IPCEF1: variants seen among roughly 807,000 people sequenced by gnomAD.
IPCEF1 encodes interaction protein for cytohesin exchange factors 1.
Under a neutral mutation model 50.9 loss-of-function variants are expected in IPCEF1, and 31 were observed. The observed-to-expected ratio is 0.61, with a 90% CI of 0.46 to 0.82. IPCEF1 has a LOEUF of 0.82. Ranked by LOEUF, IPCEF1 falls within the 40% of genes least tolerant of loss-of-function variation. IPCEF1 has a pLI of 0.00. For missense variants in IPCEF1, 458 were observed against 514.0 expected (o/e 0.89, Z 1.05); for synonymous variants, 181 against 192.0 (o/e 0.94, Z 0.47).
chr6:154,274,789 G>A (rs1305122404), intron 2 of IPCEF1, among the ~76,000 whole-genome samples: 2 of 152,166 alleles, frequency 1.3e-5, no homozygotes, highest in African/African-American at 4.8e-5. Context: ...CCCAGCCCTG[G>A]CCCACATGCA....
intron 7 of IPCEF1, among the ~76,000 whole-genome samples, chr6:154,217,754 G>C (rs1778531007): frequency 6.6e-6 from 1 of 152,016 alleles, no homozygotes; most frequent in South Asian, 2.1e-4. Context: ...TTATACCTTA[G>C]TTCATAATTG....
intron 7 of IPCEF1, 45 bp downstream of exon 7, chr6:154,221,212 G>T: frequency 7.2e-7 from 1 of 1,387,424 alleles, no homozygotes; most frequent in Non-Finnish European, 1.0e-6. Context: ...CTAAAGTTAA[G>T]TATATTCCCA....
At chr6:154,335,460 G>A (rs1783768664) in intron 1 of IPCEF1, among the ~76,000 whole-genome samples, 1 of 152,172 alleles carries the variant, frequency 6.6e-6, no homozygotes, top group Non-Finnish European at 1.5e-5. Flanking sequence ...AACCTTCCAA[G>A]GAGAAGTTCC....
At chr6:154,183,353 CATA>C (rs1801066222) in intron 10 of IPCEF1, among the ~76,000 whole-genome samples, 2 of 152,204 alleles carry the variant, frequency 1.3e-5, no homozygotes, top group Non-Finnish European at 2.9e-5. Flanking sequence ...TATGTACTTG[CATA>C]ACATGACCTA....
In IPCEF1 at chr6:154,283,633, T is replaced by C. The variant is rs111812121; in HGVS notation, c.-18+6080A>G. Among the ~76,000 whole-genome samples, 645 of 152,308 alleles carry C rather than the reference T, an allele frequency of 4.2e-3. 10 individuals carry two copies. The highest frequency in any genetic ancestry group is 4.1e-3 in the Non-Finnish European group (280 of 68,028). On this transcript the variant is annotated intron_variant, in intron 2 of 11. Transcript: ENST00000367220. ...AAAATTAAATAAATTTTTAAAAAGA[T>C]GTACATTTGAATATGTCTTGTGAAA... is the stretch of plus-strand genomic sequence containing the variant.
chr6:154,268,016 T>C (rs1416739340), intron 2 of IPCEF1, among the ~76,000 whole-genome samples: 1 of 152,190 alleles, frequency 6.6e-6, no homozygotes, highest in African/African-American at 2.4e-5. Flanking sequence ...CCACTCCAGT[T>C]GGTGGGACTG....
intron 2 of IPCEF1, among the ~76,000 whole-genome samples, chr6:154,284,844 A>G (rs1468705308): frequency 1.3e-5 from 2 of 152,164 alleles, no homozygotes; most frequent in East Asian, 3.9e-4. Flanking sequence ...TACTAAAAAT[A>G]CAAAAATTAG....
In IPCEF1 at chr6:154,250,010, G is replaced by A. The variant is rs536096286; in HGVS notation, c.37-2522C>T. Among the ~76,000 whole-genome samples, 8 of 151,860 alleles carry A rather than the reference G, an allele frequency of 5.3e-5. No homozygotes were observed. In the South Asian group the frequency reaches 1.2e-3, roughly 24 times the overall value. The stretch of plus-strand genomic sequence containing the variant: ...ATTCTCTTAAAGCAAATTATTAACT[G>A]TTAAAACTGTTTTCCCTGACCAGAA... On this transcript the variant is annotated intron_variant, in intron 3 of 11. Transcript: ENST00000367220.
At chr6:154,273,134 C>T (rs1397168892) in intron 2 of IPCEF1, among the ~76,000 whole-genome samples, 4 of 152,194 alleles carry the variant, frequency 2.6e-5, no homozygotes, top group African/African-American at 7.2e-5. Context: ...CAGGTCTGAA[C>T]TAAAACGTTT....
chr6:154,198,615 C>G (rs549982137), intron 10 of IPCEF1, among the ~76,000 whole-genome samples: 1 of 138,776 alleles, frequency 7.2e-6, no homozygotes, highest in African/African-American at 2.7e-5. Flanking sequence ...AATTTACATA[C>G]TTTTAAAATA....
At chr6:154,195,242 G>A (rs922316604) in intron 10 of IPCEF1, among the ~76,000 whole-genome samples, 1 of 150,650 alleles carries the variant, frequency 6.6e-6, no homozygotes, top group Admixed American at 6.6e-5. Context: ...CCGCCTCCAG[G>A]GTTCACACCA....
At chr6:154,292,683 G>A (rs1346337194) in intron 1 of IPCEF1, among the ~76,000 whole-genome samples, 1 of 152,056 alleles carries the variant, frequency 6.6e-6, no homozygotes, top group East Asian at 1.9e-4. Context: ...TTATTTTGTT[G>A]TGTTAAACTA....
At chr6:154,270,155 A>G (rs1471076023) in intron 2 of IPCEF1, among the ~76,000 whole-genome samples, 1 of 152,240 alleles carries the variant, frequency 6.6e-6, no homozygotes, top group Non-Finnish European at 1.5e-5. Flanking sequence ...TTAAAAATAG[A>G]TAAGACCCTA....
intron 5 of IPCEF1, among the ~76,000 whole-genome samples, chr6:154,231,403 T>A (rs1018478960): frequency 6.6e-6 from 1 of 152,214 alleles, no homozygotes; most frequent in Admixed American, 6.5e-5. Context: ...CTGGGATCTG[T>A]CCTAACTATA....
intron 1 of IPCEF1, among the ~76,000 whole-genome samples, chr6:154,307,103 T>G (rs1336254015): frequency 6.6e-6 from 1 of 152,144 alleles, no homozygotes; most frequent in Non-Finnish European, 1.5e-5. Flanking sequence ...TAATTACTTT[T>G]CTAAAGGCCC....
chr6:154,339,621 G>A (rs1013355023), intron 1 of IPCEF1, among the ~76,000 whole-genome samples: 12 of 151,280 alleles, frequency 7.9e-5, no homozygotes, highest in African/African-American at 2.2e-4. Flanking sequence ...AGAGGTTCTC[G>A]CTCTGTTACC....
chr6:154,261,479 G>C (rs980745232), intron 3 of IPCEF1, among the ~76,000 whole-genome samples: 3 of 152,184 alleles, frequency 2.0e-5, no homozygotes, highest in African/African-American at 7.2e-5. Flanking sequence ...AAAAGCCCAG[G>C]GGAAGAGGGC....
intron 1 of IPCEF1, among the ~76,000 whole-genome samples, chr6:154,337,606 A>G (rs2128696271): frequency 6.6e-6 from 1 of 152,326 alleles, no homozygotes; most frequent in South Asian, 2.1e-4. Context: ...ATGAAAAAAG[A>G]GGCACAGCAA....
Position 154,227,181 on chromosome 6 carries a change from G to T in IPCEF1, c.247-3938C>A, listed in dbSNP as rs556617048. ...ACCGCACCACTGCACTCCAGCCTGG[G>T]CAACAGAGCAAGATTCTGTCTCAAA... On this transcript the variant is annotated intron_variant, in intron 5 of 11. Coordinates refer to ENST00000367220, the MANE Select transcript of IPCEF1 (RefSeq NM_001130700.2). Among the ~76,000 whole-genome samples the T allele has an allele frequency of 1.6e-4, 24 of 151,932 alleles. No homozygotes were observed. The South Asian group carries it at 3.5e-3, about 22-fold the overall frequency.
Sources: gnomAD v4.1 joint callset for allele counts (sites outside exome capture counted in the v4.1 genomes callset) on GRCh38, gnomAD v4.1.1 for gene constraint, MANE v1.5 for transcripts, NCBI Gene and HGNC (gene_info 2026-07-23, HGNC 2026-07-21) for gene names.